Variants in TRIQK observed in about 807,000 individuals in gnomAD.
The protein encoded by TRIQK is triple QxxK/R motif-containing protein.
A neutral mutation model predicts 10.8 loss-of-function variants in TRIQK; 10 were observed. The observed-to-expected ratio is 0.92, with a 90% CI of 0.57 to 1.57. The LOEUF (loss-of-function observed/expected upper bound fraction) is 1.57. TRIQK is among the 40% of genes most tolerant of loss of function. TRIQK has a pLI of 0.00. For synonymous variants in TRIQK, 33 were observed against 33.7 expected (o/e 0.98, Z 0.07); for missense variants, 107 against 97.7 (o/e 1.09, Z -0.40).
At chr8:92,896,669 T>A (rs1225795599) in intron 3 of TRIQK, among the ~76,000 whole-genome samples, 1 of 152,128 alleles carries the variant, frequency 6.6e-6, no homozygotes, top group Non-Finnish European at 1.5e-5. Context: ...TCAAAGGATA[T>A]TATGTCCAGC....
At chr8:92,961,927 G>A (rs1812479798) in intron 1 of TRIQK, among the ~76,000 whole-genome samples, 1 of 152,110 alleles carries the variant, frequency 6.6e-6, no homozygotes, top group African/African-American at 2.4e-5. Context: ...TAATGGAACT[G>A]TCTTTGCCTT....
rs1263843681 is a variant in TRIQK, at chr8:92,884,775, T to C, written c.*1847A>G. On this transcript the variant is annotated 3_prime_UTR_variant, in exon 5 of 5. Coordinates refer to ENST00000521988, the MANE Select transcript of TRIQK (RefSeq NM_001171797.2). ...AAAACTAGAAATAATCTTTATTTAATACGACTGTTTTAACACCATATGGAA... is the reference window on the plus strand; with the variant it reads ...AAAACTAGAAATAATCTTTATTTAACACGACTGTTTTAACACCATATGGAA... 3 of 444,272 alleles carry C rather than the reference T, an allele frequency of 6.8e-6. No homozygotes were observed. The highest frequency in any genetic ancestry group is 9.1e-6 in the Non-Finnish European group (2 of 219,528). 27.5% of individuals were successfully genotyped at this position (444,272 alleles called of 1,614,324 possible).
Position 92,885,019 on chromosome 8 carries a change from C to T in TRIQK, c.*1603G>A, listed in dbSNP as rs1386765919. 2.2e-6 allele frequency: 1 copy of T among 455,954 alleles called. No individual in the cohort carries two copies. 28.2% of individuals were successfully genotyped at this position (455,954 alleles called of 1,614,324 possible). On this transcript the variant is annotated 3_prime_UTR_variant, in exon 5 of 5. Coordinates refer to ENST00000521988, the MANE Select transcript of TRIQK (RefSeq NM_001171797.2). ...TCCTAAAAATGCCACTTGGATTGGT[C>T]CGCTGTGGTGAGTATATAAGAACTC...
chr8:92,942,051 G>A (rs904777217), intron 2 of TRIQK, among the ~76,000 whole-genome samples: 4 of 152,054 alleles, frequency 2.6e-5, no homozygotes, highest in Admixed American at 6.6e-5. Flanking sequence ...TTGAAGAGGA[G>A]GGAATACTTC....
chr8:92,899,940 AT>A (rs34587512), intron 3 of TRIQK, among the ~76,000 whole-genome samples: 100,858 of 151,854 alleles, frequency 0.66, 33,759 homozygotes, highest in Admixed American at 0.75. Flanking sequence ...GATAAAAGCC[AT>A]TTTTAACTGA....
chr8:92,952,409 C>A (rs1811954880), intron 2 of TRIQK, among the ~76,000 whole-genome samples: 2 of 149,806 alleles, frequency 1.3e-5, no homozygotes, highest in Admixed American at 1.3e-4. Context: ...AACCAGAAAA[C>A]AAAGATAAAA....
chr8:92,891,402 G>C (rs1234492553), intron 4 of TRIQK, among the ~76,000 whole-genome samples: 1 of 151,668 alleles, frequency 6.6e-6, no homozygotes, highest in Non-Finnish European at 1.5e-5. Flanking sequence ...GATTGACATG[G>C]GCAATAATGT....
intron 1 of TRIQK, among the ~76,000 whole-genome samples, chr8:93,015,861 T>C (rs1813379471): frequency 6.6e-6 from 1 of 152,078 alleles, no homozygotes; most frequent in South Asian, 2.1e-4. Flanking sequence ...GCAGGAGAGA[T>C]TTTTGCATCT....
intron 2 of TRIQK, among the ~76,000 whole-genome samples, chr8:92,917,449 T>TTTTAAAAAGCATAACATA (rs1319538286): frequency 6.6e-6 from 1 of 152,052 alleles, no homozygotes; most frequent in Non-Finnish European, 1.5e-5. Context: ...TTGTATTTTA[T>TTTTAAAAAGCATAACATA]TTTAAAAAGC....
chr8:92,918,775 A>ACCC (rs34869928), intron 2 of TRIQK, among the ~76,000 whole-genome samples: 2 of 145,974 alleles, frequency 1.4e-5, no homozygotes, highest in African/African-American at 2.5e-5. Flanking sequence ...TTGAGATCTT[A>ACCC]CCCCCCCCCA....
Position 92,973,571 on chromosome 8 carries a change from C to G in TRIQK, c.-180-19007G>C, listed in dbSNP as rs1054482802. On this transcript the variant is annotated intron_variant, in intron 1 of 4. Transcript: ENST00000520686. ...GGCTAAACAAATTATTTAGCTTGCACTGATATCATTTCACTATTAAAAGAT... is the reference window on the plus strand; with the variant it reads ...GGCTAAACAAATTATTTAGCTTGCAGTGATATCATTTCACTATTAAAAGAT... 10 of 152,210 alleles carry G rather than the reference C, an allele frequency of 6.6e-5. No homozygotes were observed. In the East Asian group the frequency reaches 1.9e-3, roughly 29 times the overall value. 9.4% of individuals were successfully genotyped at this position (152,210 alleles called of 1,614,324 possible).
chr8:92,967,747 G>A (rs146631956), upstream of TRIQK, among the ~76,000 whole-genome samples: 8 of 150,848 alleles, frequency 5.3e-5, no homozygotes, highest in African/African-American at 1.7e-4. Context: ...GCTTGAGCCC[G>A]GGAGGCAGAG....
chr8:93,007,162 C>T (rs904660529), intron 1 of TRIQK, among the ~76,000 whole-genome samples: 82 of 152,184 alleles, frequency 5.4e-4, no homozygotes, highest in Non-Finnish European at 2.9e-4. Flanking sequence ...GCAGCCATTT[C>T]TGCTGTTCTG....
intron 1 of TRIQK, among the ~76,000 whole-genome samples, chr8:92,955,999 T>C (rs1467566887): frequency 1.3e-5 from 2 of 151,804 alleles, no homozygotes; most frequent in Non-Finnish European, 2.9e-5. Flanking sequence ...TTTGAAAAGT[T>C]TGGCAGCTCC....
chr8:92,924,104 G>A (rs140361613), intron 2 of TRIQK, among the ~76,000 whole-genome samples: 15 of 152,042 alleles, frequency 9.9e-5, no homozygotes, highest in Non-Finnish European at 1.8e-4. Flanking sequence ...TTCGCTAAAC[G>A]TGAAGCTATA....
chr8:92,983,362 A>C (rs1438249296), intron 1 of TRIQK, among the ~76,000 whole-genome samples: 1 of 152,084 alleles, frequency 6.6e-6, no homozygotes, highest in East Asian at 1.9e-4. Context: ...GTCAAATTTC[A>C]GTGGCTTAAC....
intron 1 of TRIQK, among the ~76,000 whole-genome samples, chr8:92,962,598 A>T (rs967674463): frequency 6.6e-6 from 1 of 152,206 alleles, no homozygotes; most frequent in African/African-American, 2.4e-5. Context: ...GGTGTCACCC[A>T]GAATGGAAAA....
At chr8:92,916,806 G>T (rs1326990522) in intron 3 of TRIQK, 123 bp downstream of exon 3, 2 of 630,946 alleles carry the variant, frequency 3.2e-6, no homozygotes, top group East Asian at 7.2e-5. Flanking sequence ...ACTCTATAAA[G>T]TCCTTTTTCA....
intron 1 of TRIQK, among the ~76,000 whole-genome samples, chr8:92,983,227 T>C (rs1387420579): frequency 1.3e-5 from 2 of 151,978 alleles, no homozygotes; most frequent in Non-Finnish European, 2.9e-5. Flanking sequence ...GAAATAGAAA[T>C]AATGTCACAG....
Sources: gnomAD v4.1 joint callset for allele counts (sites outside exome capture counted in the v4.1 genomes callset) on GRCh38, gnomAD v4.1.1 for gene constraint, MANE v1.5 for transcripts, NCBI Gene and HGNC (gene_info 2026-07-23, HGNC 2026-07-21) for gene names.